The following CEP76 variants were observed in gnomAD, a reference collection of about 807,000 sequenced individuals.
CEP76 encodes centrosomal protein of 76 kDa.
Under a neutral mutation model 83.3 loss-of-function variants are expected in CEP76, and 55 were observed. The ratio of observed to expected loss-of-function variants is 0.66; its 90% CI spans 0.53 to 0.83. The LOEUF (loss-of-function observed/expected upper bound fraction) is 0.83. Among genes scored for constraint, CEP76 ranks in the 40% least tolerant of loss-of-function variants. The probability of loss-of-function intolerance (pLI) is 0.00; values close to 1 mark genes in which losing one functional copy is unlikely to be tolerated. For synonymous variants in CEP76, 270 were observed against 274.5 expected, an observed-to-expected ratio of 0.98 and a Z score of 0.16; for missense variants, 694 against 799.5, an observed-to-expected ratio of 0.87 and a Z score of 1.59.
In CEP76 at chr18:12,695,260, G is replaced by C. The variant is rs1203774965; in HGVS notation, c.798C>G (p.Asn266Lys). ...LNQTLSQEVV[N>K]TQLALERQKT... ...GAAACTCATAAGTATTTACCTGTGTGTTCACTACTTCTTGAGATAACGTTT... is the reference window on the plus strand; with the variant it reads ...GAAACTCATAAGTATTTACCTGTGTCTTCACTACTTCTTGAGATAACGTTT... The change falls in exon 6 of 12, where the codon AAC (asparagine) becomes AAG (lysine). Residue 266 changes from asparagine (N) to lysine (K), a missense_variant. By Grantham distance (94) the Asn-to-Lys change is moderately conservative. Coordinates refer to ENST00000262127, the MANE Select transcript of CEP76 (RefSeq NM_024899.4). 1 of 1,457,268 alleles carries C rather than the reference G, an allele frequency of 6.9e-7. No homozygotes were observed. Among genetic ancestry groups the C allele is most frequent in the Non-Finnish European group, 9.5e-7 (1 of 1,050,026 alleles). 90.3% of individuals were successfully genotyped at this position (1,457,268 alleles called of 1,614,324 possible).
chr18:12,692,757 C>T (rs2039813562), intron 6 of CEP76, among the ~76,000 whole-genome samples: 1 of 152,238 alleles, frequency 6.6e-6, no homozygotes, highest in Non-Finnish European at 1.5e-5. Flanking sequence ...TACACAGCTA[C>T]ATCTCCAGTG....
intron 5 of CEP76, 89 bp from the exon 6 acceptor site, chr18:12,695,440 G>A: frequency 1.9e-6 from 1 of 515,776 alleles, no homozygotes; most frequent in Non-Finnish European, 3.4e-6. Flanking sequence ...TTAGGCACTT[G>A]GGTGTTTTAT....
chr18:12,669,974 G>C (rs572615633), downstream of CEP76, among the ~76,000 whole-genome samples: 1 of 95,496 alleles, frequency 1.0e-5, no homozygotes, highest in South Asian at 2.9e-4. Context: ...TCCAGCCTGG[G>C]CAACAAGAGC....
intron 5 of CEP76, among the ~76,000 whole-genome samples, chr18:12,696,343 A>C (rs778123188): frequency 2.0e-5 from 3 of 152,130 alleles, no homozygotes; most frequent in Non-Finnish European, 4.4e-5. Flanking sequence ...TCTCTACTAA[A>C]AATACAAAAA....
intron 12 of CEP76, among the ~76,000 whole-genome samples, chr18:12,666,236 G>A (rs1216020202): frequency 6.6e-6 from 1 of 151,894 alleles, no homozygotes; most frequent in Non-Finnish European, 1.5e-5. Flanking sequence ...GCTGAGGCAA[G>A]AGGATCACTT....
intron 2 of CEP76, among the ~76,000 whole-genome samples, chr18:12,700,662 G>A (rs555378363): frequency 6.6e-6 from 1 of 152,088 alleles, no homozygotes; most frequent in Non-Finnish European, 1.5e-5. Flanking sequence ...TTGTTATGGT[G>A]AACTAATTGG....
chr18:12,699,919 A>G lies in CEP76; in HGVS notation c.220-14T>C, dbSNP rs780628049. The stretch of plus-strand genomic sequence containing the variant: ...CTCAACACTGTCCTAGAAAGGCAGG[A>G]AAAAAAAATCAAAACAAATTAGAAA... On this transcript the variant is annotated splice_polypyrimidine_tract_variant and intron_variant, in intron 2 of 11. Transcript: ENST00000262127. 3.0e-5 allele frequency: 45 copies of G among 1,502,044 alleles called. No homozygotes were observed. Among genetic ancestry groups the G allele is most frequent in the Non-Finnish European group, 4.1e-5 (45 of 1,110,130 alleles). 93.0% of individuals were successfully genotyped at this position (1,502,044 alleles called of 1,614,324 possible).
chr18:12,677,338 T>G (rs1044940680), intron 10 of CEP76, among the ~76,000 whole-genome samples: 1 of 151,680 alleles, frequency 6.6e-6, no homozygotes, highest in East Asian at 1.9e-4. Flanking sequence ...TTCAGGAGGC[T>G]GAGGCAGGAG....
chr18:12,672,748 A>C lies in CEP76; in HGVS notation c.*617T>G. The C allele has an allele frequency of 1.0e-6, 1 of 973,306 alleles. No individual in the cohort carries two copies. The highest frequency in any genetic ancestry group is 1.2e-6 in the Non-Finnish European group (1 of 818,740). 60.3% of individuals were successfully genotyped at this position (973,306 alleles called of 1,614,324 possible). ...AGTGATAAATATTTCTAAATGATTC[A>C]TGTACTTTCATATGAGGTTATTAAT... On this transcript the variant is annotated 3_prime_UTR_variant, in exon 12 of 12. Coordinates refer to ENST00000262127, the MANE Select transcript of CEP76 (RefSeq NM_024899.4).
downstream of CEP76, among the ~76,000 whole-genome samples, chr18:12,667,992 C>T (rs1032033690): frequency 5.3e-5 from 8 of 151,084 alleles, no homozygotes; most frequent in Admixed American, 3.3e-4. Flanking sequence ...GGGCTGGGTG[C>T]AGTGGCTCAC....
intron 10 of CEP76, among the ~76,000 whole-genome samples, chr18:12,676,277 T>C (rs2039127397): frequency 7.0e-6 from 1 of 142,046 alleles, no homozygotes; most frequent in South Asian, 2.2e-4. Context: ...AAACAGTAAT[T>C]CCTTTTTTTT....
At position 12,698,961 on chromosome 18, in the gene CEP76, T is replaced by C. The variant is rs539841892; in HGVS notation, c.520+18A>G. On this transcript the variant is annotated intron_variant, in intron 4 of 11. Coordinates refer to ENST00000262127, the MANE Select transcript of CEP76 (RefSeq NM_024899.4). ...AAAGATTTACTCAATTAAATGACAA[T>C]TTATTACTGTTTCTTACCCAAGCTT... 10 of 1,524,828 alleles carry C rather than the reference T, an allele frequency of 6.6e-6. No individual in the cohort carries two copies. In the South Asian group the frequency reaches 1.2e-4, roughly 18 times the overall value. 94.5% of individuals were successfully genotyped at this position (1,524,828 alleles called of 1,614,324 possible). A position where few individuals can be genotyped will look rare whatever the true frequency, so the allele number is the denominator to read the frequency against.
intron 9 of CEP76, chr18:12,679,071 C>T (rs1008973677): frequency 6.6e-6 from 1 of 152,004 alleles, no homozygotes; most frequent in African/African-American, 2.4e-5. Flanking sequence ...AAAGAGGACT[C>T]GGGAATGAAA....
At chr18:12,702,164 A>G (rs574198591) in intron 1 of CEP76, among the ~76,000 whole-genome samples, 56 of 152,144 alleles carry the variant, frequency 3.7e-4, no homozygotes, top group African/African-American at 1.2e-3. Context: ...CAGAATATAA[A>G]CCTCCAAATA....
At chr18:12,677,259 G>T (rs918621050) in intron 10 of CEP76, among the ~76,000 whole-genome samples, 17 of 151,880 alleles carry the variant, frequency 1.1e-4, no homozygotes, top group Admixed American at 1.1e-3. Context: ...GGCCAACATG[G>T]TGAAACCCTA....
intron 8 of CEP76, among the ~76,000 whole-genome samples, chr18:12,682,171 T>C (rs1598629412): frequency 2.6e-5 from 4 of 152,264 alleles, no homozygotes; most frequent in East Asian, 1.9e-4. Flanking sequence ...TCTTTTTTTT[T>C]TCCTCTCTTT....
In CEP76 at chr18:12,672,876, A is replaced by T. The variant is rs1240729552; in HGVS notation, c.*489T>A. On this transcript the variant is annotated 3_prime_UTR_variant, in exon 12 of 12. Transcript: ENST00000262127. ...ATCCCAAGGACCACGAATAAACCAC[A>T]AAAGTGGTAATTCATTAACATTTAT... 5.2e-5 allele frequency: 51 copies of T among 985,238 alleles called. No individual in the cohort carries two copies. Among genetic ancestry groups the T allele is most frequent in the Non-Finnish European group, 5.9e-5 (49 of 829,718 alleles). The allele number at this position is 985,238 out of a possible 1,614,324, so 61.0% of individuals were successfully genotyped here. A position where few individuals can be genotyped will look rare whatever the true frequency, so the allele number is the denominator to read the frequency against.
chr18:12,700,477 T>A (rs2040113511), intron 2 of CEP76: 1 of 153,430 alleles, frequency 6.5e-6, no homozygotes, highest in Non-Finnish European at 1.5e-5. Flanking sequence ...ACTGAGAGAC[T>A]ATCATCCCAT....
chr18:12,695,331 C>G lies in CEP76; in HGVS notation c.727G>C (p.Val243Leu), dbSNP rs1159885477. 1.9e-6 allele frequency: 3 copies of G among 1,543,008 alleles called. No homozygotes were observed. The highest frequency in any genetic ancestry group is 1.4e-5 in the African/African-American group (1 of 73,106). The stretch of plus-strand genomic sequence containing the variant: ...TCAAGTTTTATATTTAAAATTCCCA[C>G]AGAAACTTTTGATTCTGTGCCTATA... ...MGVGTESKVS[V>L]GILNIKLEMY... The change falls in exon 6 of 12, where the codon GTG becomes CTG. Residue 243 changes from valine (V) to leucine (L), a missense_variant. Physicochemically the swap from Val to Leu is conservative, Grantham distance 32. Coordinates refer to ENST00000262127, the MANE Select transcript of CEP76 (RefSeq NM_024899.4).
Sources: allele counts gnomAD v4.1 joint callset (sites outside exome capture counted in the v4.1 genomes callset), GRCh38; gene constraint gnomAD v4.1.1; transcripts MANE v1.5; gene names NCBI Gene and HGNC (gene_info 2026-07-23, HGNC 2026-07-21).